The following LIPA variants were observed in gnomAD, a reference collection of about 807,000 sequenced individuals.
The protein encoded by LIPA is lysosomal acid lipase/cholesteryl ester hydrolase.
LIPA carries 26 observed loss-of-function variants against 40.6 expected under a neutral mutation model. The ratio of observed to expected loss-of-function variants is 0.64; its 90% CI spans 0.47 to 0.89. The LOEUF is 0.89. Ranked by LOEUF, LIPA falls within the 40% of genes least tolerant of loss-of-function variation. The pLI is 0.00. For synonymous variants in LIPA, 188 were observed against 168.4 expected, an observed-to-expected ratio of 1.12 and a Z score of -0.90; for missense variants, 455 against 479.6, an observed-to-expected ratio of 0.95 and a Z score of 0.48.
At position 89,214,001 on chromosome 10, in the gene LIPA, C is replaced by T. The variant is rs918454163; in HGVS notation, c.*827G>A. Reference sequence around the variant, plus strand: ...ACGACAGTAGCGGGCTCCAAGAGTACATTAATCTCAGAAAAAATAGTGGTA... The same window carrying T: ...ACGACAGTAGCGGGCTCCAAGAGTATATTAATCTCAGAAAAAATAGTGGTA... On this transcript the variant is annotated 3_prime_UTR_variant, in exon 10 of 10. Transcript: ENST00000336233. The T allele has an allele frequency of 6.6e-6, 1 of 152,130 alleles. No homozygotes were observed. The highest frequency in any genetic ancestry group is 2.4e-5 in the African/African-American group (1 of 41,418). 9.4% of individuals were successfully genotyped at this position (152,130 alleles called of 1,614,324 possible).
chr10:89,245,018 C>A lies in LIPA; in HGVS notation c.229+658G>T, dbSNP rs1007580110. 3.9e-5 allele frequency among the ~76,000 whole-genome samples: 6 copies of A among 152,040 alleles called. 1 individual carries two copies. The East Asian group carries it at 1.2e-3, about 29-fold the overall frequency. On this transcript the variant is annotated intron_variant, in intron 3 of 9. Transcript: ENST00000336233. The stretch of plus-strand genomic sequence containing the variant: ...ATAGCACAAATATGCATTAATAGGA[C>A]ACTTGGTAAATAAATAATGATACAG...
At chr10:89,345,054 C>A (rs1428072431), upstream of LIPA, among the ~76,000 whole-genome samples, 1 of 151,490 alleles carries the variant, frequency 6.6e-6, no homozygotes, top group Non-Finnish European at 1.5e-5. Flanking sequence ...GTAATCCCAG[C>A]CACTTGGGAG....
At chr10:89,401,722 C>T (rs767508421) in intron 2 of LIPA, among the ~76,000 whole-genome samples, 15 of 151,350 alleles carry the variant, frequency 9.9e-5, no homozygotes, top group Non-Finnish European at 4.4e-5. Context: ...GTGAAGGATA[C>T]ACTGGATCTC....
intron 1 of LIPA, among the ~76,000 whole-genome samples, chr10:89,329,946 G>GT (rs1370401590): frequency 6.6e-6 from 1 of 152,178 alleles, no homozygotes; most frequent in Non-Finnish European, 1.5e-5. Context: ...AAGGGGGGTT[G>GT]TTCTCTGGTG....
intron 2 of LIPA, among the ~76,000 whole-genome samples, chr10:89,361,169 C>T (rs1363849622): frequency 6.6e-6 from 1 of 152,100 alleles, no homozygotes; most frequent in East Asian, 1.9e-4. Flanking sequence ...TTGGTGGACA[C>T]AATTCAACCC....
At position 89,402,930 on chromosome 10, in the gene LIPA, A is replaced by G. The variant is rs566629851; in HGVS notation, c.61+9861T>C. The stretch of plus-strand genomic sequence containing the variant: ...CCGCTTAAATCCAGACAATGGATAT[A>G]TTAAGGTTCTCCTTGCCCTGAAGCT... On this transcript the variant is annotated intron_variant, in intron 2 of 8. Transcript: ENST00000371837. 1.4e-5 allele frequency: 23 copies of G among 1,614,202 alleles called. No individual in the cohort carries two copies. The highest frequency in any genetic ancestry group is 5.3e-5 in the African/African-American group (4 of 75,058).
intron 1 of LIPA, among the ~76,000 whole-genome samples, chr10:89,269,357 C>A (rs1843253841): frequency 6.6e-6 from 1 of 152,104 alleles, no homozygotes; most frequent in Non-Finnish European, 1.5e-5. Flanking sequence ...TAGTTTATTT[C>A]TATTTTTTAA....
chr10:89,336,532 C>T (rs905786455), intron 1 of LIPA, among the ~76,000 whole-genome samples: 11 of 152,260 alleles, frequency 7.2e-5, no homozygotes, highest in African/African-American at 2.2e-4. Flanking sequence ...CTTGCAGTAG[C>T]GGTGTGAGGG....
At chr10:89,340,186 C>G (rs10749607) in intron 1 of LIPA, 787,662 of 1,507,696 alleles carry the variant, frequency 0.52, 215,974 homozygotes, top group East Asian at 0.92. Flanking sequence ...ACGGGTAGGA[C>G]GATAGGAAGA....
At chr10:89,324,823 C>T (rs536752648) in intron 1 of LIPA, among the ~76,000 whole-genome samples, 2 of 152,270 alleles carry the variant, frequency 1.3e-5, no homozygotes, top group South Asian at 2.1e-4. Flanking sequence ...ATGATGGTTT[C>T]CAGCTTCATC....
chr10:89,364,465 T>C (rs185034698), intron 2 of LIPA, among the ~76,000 whole-genome samples: 275 of 152,254 alleles, frequency 1.8e-3, no homozygotes, highest in Non-Finnish European at 2.9e-3. Flanking sequence ...AAAAGATTCT[T>C]GTGTGCACCA....
upstream of LIPA, among the ~76,000 whole-genome samples, chr10:89,343,481 G>A (rs1843889462): frequency 6.6e-6 from 1 of 152,134 alleles, no homozygotes; most frequent in Non-Finnish European, 1.5e-5. Flanking sequence ...ATTGTCTTGC[G>A]GAAGAGGAAT....
chr10:89,216,398 C>CATAT (rs957310210), intron 8 of LIPA, among the ~76,000 whole-genome samples: 2 of 137,008 alleles, frequency 1.5e-5, no homozygotes, highest in African/African-American at 3.0e-5. Flanking sequence ...TAGGTAGCTA[C>CATAT]ATATATATAT....
At chr10:89,338,246 C>A in intron 1 of LIPA, 1 of 162,388 alleles carries the variant, frequency 6.2e-6, no homozygotes, top group Non-Finnish European at 1.4e-5. Context: ...AAGCTGGAGA[C>A]CAAGGAAAGT....
intron 3 of LIPA, among the ~76,000 whole-genome samples, chr10:89,232,638 G>A (rs533706547): frequency 3.3e-5 from 5 of 152,302 alleles, no homozygotes; most frequent in Non-Finnish European, 1.5e-5. Flanking sequence ...GGAGAAGGAG[G>A]GTGATATGTG....
At chr10:89,330,547 C>CTGAA (rs1843639534) in intron 1 of LIPA, among the ~76,000 whole-genome samples, 3 of 152,238 alleles carry the variant, frequency 2.0e-5, no homozygotes, top group Admixed American at 2.0e-4. Flanking sequence ...GCCACAAGAA[C>CTGAA]TGAACCCAGA....
upstream of LIPA, among the ~76,000 whole-genome samples, chr10:89,252,730 A>T (rs948409316): frequency 6.8e-6 from 1 of 147,310 alleles, no homozygotes; most frequent in African/African-American, 2.5e-5. Context: ...GGCTTGAACC[A>T]GGTAGGTGGA....
chr10:89,363,019 A>G (rs1170094341), intron 2 of LIPA: 2 of 246,168 alleles, frequency 8.1e-6, no homozygotes, highest in Non-Finnish European at 1.7e-5. Context: ...GGAGAAAAGC[A>G]CACTGAAAAA....
At chr10:89,395,150 G>GTA (rs1337562779) in intron 2 of LIPA, among the ~76,000 whole-genome samples, 1 of 151,990 alleles carries the variant, frequency 6.6e-6, no homozygotes, top group Non-Finnish European at 1.5e-5. Flanking sequence ...GCATAGCAGG[G>GTA]TATGACCTAT....
Sources: allele counts gnomAD v4.1 joint callset (sites outside exome capture counted in the v4.1 genomes callset), GRCh38; gene constraint gnomAD v4.1.1; transcripts MANE v1.5; gene names NCBI Gene and HGNC (gene_info 2026-07-23, HGNC 2026-07-21).